Variants in HDAC9 observed in about 807,000 individuals in gnomAD.
HDAC9 encodes histone deacetylase 9.
Under a neutral mutation model 139.4 loss-of-function variants are expected in HDAC9, and 41 were observed. The ratio of observed to expected loss-of-function variants is 0.29; its 90% CI spans 0.23 to 0.38. The LOEUF is 0.38. Among genes scored for constraint, HDAC9 ranks in the 10% least tolerant of loss-of-function variants. The pLI is 1.00. For missense variants in HDAC9, 1,147 were observed against 1,297.0 expected (o/e 0.88, Z 1.78); for synonymous variants, 517 against 476.2 (o/e 1.09, Z -1.12).
Position 18,130,729 on chromosome 7 carries a change from A to C in HDAC9, c.-96-31500A>C, listed in dbSNP as rs147880834. Among the ~76,000 whole-genome samples, 7 of 152,228 alleles carry C rather than the reference A, an allele frequency of 4.6e-5. No individual in the cohort carries two copies. In the East Asian group the frequency reaches 1.2e-3, roughly 25 times the overall value. On this transcript the variant is annotated intron_variant, in intron 1 of 12. Coordinates refer to the HDAC9 transcript ENST00000417496. The stretch of plus-strand genomic sequence containing the variant: ...CATTTATCTATTTTGGATATTTCAT[A>C]TACATGGAATTATATAATTTGTGAT...
At chr7:18,200,773 A>C (rs1009290656) in intron 2 of HDAC9, among the ~76,000 whole-genome samples, 1 of 152,148 alleles carries the variant, frequency 6.6e-6, no homozygotes, top group Non-Finnish European at 1.5e-5. Flanking sequence ...CACAGAGGTC[A>C]ATGTCCTATT....
At chr7:18,740,026 C>G (rs991340619) in intron 13 of HDAC9, among the ~76,000 whole-genome samples, 14 of 152,244 alleles carry the variant, frequency 9.2e-5, no homozygotes, top group Admixed American at 7.8e-4. Context: ...CCATCTCAGA[C>G]TGCTCTGCTA....
chr7:18,106,044 C>T (rs186446777), intron 1 of HDAC9, among the ~76,000 whole-genome samples: 90 of 152,120 alleles, frequency 5.9e-4, no homozygotes, highest in African/African-American at 1.9e-3. Flanking sequence ...ATAGTGGTTG[C>T]CTGAGGCAAA....
intron 1 of HDAC9, among the ~76,000 whole-genome samples, chr7:18,463,261 T>C (rs562742164): frequency 6.6e-6 from 1 of 152,130 alleles, no homozygotes; most frequent in Non-Finnish European, 1.5e-5. Flanking sequence ...TATACCCACA[T>C]AATGAGTTAT....
rs1232840229 is a variant in HDAC9, at chr7:18,692,021, A to C, written c.1731+25545A>C. ...ACAAGTCTCAAGTTCCTCATCAATG[A>C]GATGGAGTTAATAATACCTGTCTCC... On this transcript the variant is annotated intron_variant, in intron 12 of 25. Coordinates refer to ENST00000686413, the MANE Select transcript of HDAC9 (RefSeq NM_178425.4). Among the ~76,000 whole-genome samples, 8 of 152,092 alleles carry C rather than the reference A, an allele frequency of 5.3e-5. 1 individual carries two copies. The highest frequency in any genetic ancestry group is 4.6e-4 in the Admixed American group (7 of 15,226).
At chr7:18,853,184 TAATGA>T (rs1235740024) in intron 21 of HDAC9, among the ~76,000 whole-genome samples, 2 of 152,156 alleles carry the variant, frequency 1.3e-5, no homozygotes, top group African/African-American at 4.8e-5. Context: ...TGATTTATGT[TAATGA>T]AATGAAACAG....
chr7:18,317,796 T>C (rs919222828), intron 1 of HDAC9, among the ~76,000 whole-genome samples: 1 of 152,230 alleles, frequency 6.6e-6, no homozygotes, highest in Admixed American at 6.5e-5. Flanking sequence ...CTTTGTGTTT[T>C]GTTTCTGTTA....
intron 2 of HDAC9, among the ~76,000 whole-genome samples, chr7:18,559,149 G>A (rs962042868): frequency 6.6e-6 from 1 of 152,098 alleles, no homozygotes; most frequent in Middle Eastern, 3.2e-3. Flanking sequence ...TCACACTTTG[G>A]ACATTAGTCT....
At chr7:18,196,398 A>G (rs1790728085) in intron 2 of HDAC9, among the ~76,000 whole-genome samples, 2 of 152,228 alleles carry the variant, frequency 1.3e-5, no homozygotes, top group South Asian at 2.1e-4. Flanking sequence ...AAAGCTTCAG[A>G]CAAACCTGGG....
intron 1 of HDAC9, among the ~76,000 whole-genome samples, chr7:18,403,112 CTTTA>C (rs1477024783): frequency 1.3e-5 from 2 of 152,074 alleles, no homozygotes; most frequent in African/African-American, 4.8e-5. Flanking sequence ...TATAAAATAT[CTTTA>C]TTTACAGATT....
intron 22 of HDAC9, among the ~76,000 whole-genome samples, chr7:18,931,820 T>C (rs1012192516): frequency 4.6e-5 from 7 of 152,170 alleles, no homozygotes; most frequent in South Asian, 2.1e-4. Context: ...TAAAAGATCA[T>C]TGGTTGCCAG....
At chr7:18,318,882 A>G (rs957105063) in intron 1 of HDAC9, among the ~76,000 whole-genome samples, 2 of 152,182 alleles carry the variant, frequency 1.3e-5, no homozygotes, top group Non-Finnish European at 2.9e-5. Flanking sequence ...TGCTTAGTAC[A>G]TTACAGACTT....
intron 22 of HDAC9, among the ~76,000 whole-genome samples, chr7:18,912,090 GTCCCTAACTATT>G (rs1194085221): frequency 2.0e-5 from 3 of 152,070 alleles, no homozygotes; most frequent in East Asian, 3.9e-4. Flanking sequence ...GGGTATTGAA[GTCCCTAACTATT>G]TTCATATTGG....
chr7:18,193,745 T>C (rs1790529717), intron 2 of HDAC9, among the ~76,000 whole-genome samples: 1 of 152,182 alleles, frequency 6.6e-6, no homozygotes, highest in Admixed American at 6.5e-5. Flanking sequence ...AGCTGATTTT[T>C]TTTTTCTCTG....
At chr7:18,097,433 C>G (rs911500948) in intron 1 of HDAC9, among the ~76,000 whole-genome samples, 1 of 147,266 alleles carries the variant, frequency 6.8e-6, no homozygotes, top group Non-Finnish European at 1.5e-5. Flanking sequence ...CCTGACACCG[C>G]TTTACCAAAT....
At chr7:18,158,040 G>T (rs1437163813) in intron 1 of HDAC9, among the ~76,000 whole-genome samples, 5 of 152,138 alleles carry the variant, frequency 3.3e-5, no homozygotes, top group Non-Finnish European at 5.9e-5. Flanking sequence ...TGTGTAGACT[G>T]AACTGTACAT....
chr7:18,174,896 A>C (rs937531336), intron 2 of HDAC9, among the ~76,000 whole-genome samples: 2 of 152,182 alleles, frequency 1.3e-5, no homozygotes, highest in Non-Finnish European at 2.9e-5. Context: ...TCTCCCAGTT[A>C]GGCTACATGG....
intron 1 of HDAC9, among the ~76,000 whole-genome samples, chr7:18,093,843 T>C (rs954702630): frequency 1.9e-4 from 29 of 152,318 alleles, no homozygotes; most frequent in African/African-American, 5.1e-4. Context: ...TATTCATAGA[T>C]ATTCTACTTT....
chr7:18,794,220 C>T lies in HDAC9; in HGVS notation c.2322+768C>T, dbSNP rs191578288. On this transcript the variant is annotated intron_variant, in intron 17 of 25. Transcript: ENST00000686413. ...ATGCACTAGTTCACACACTTCATGA[C>T]GCAATCTGGGTCGTGATTGATTCGG... 4.6e-5 allele frequency among the ~76,000 whole-genome samples: 7 copies of T among 152,282 alleles called. No homozygotes were observed. The East Asian group carries it at 5.8e-4, about 13-fold the overall frequency.
Sources: gnomAD v4.1 joint callset for allele counts (sites outside exome capture counted in the v4.1 genomes callset) on GRCh38, gnomAD v4.1.1 for gene constraint, MANE v1.5 for transcripts, NCBI Gene and HGNC (gene_info 2026-07-23, HGNC 2026-07-21) for gene names.